CELF5: variants seen among roughly 807,000 people sequenced by gnomAD.
The protein encoded by CELF5 is CUG-BP and ETR-3 like factor 5.
A neutral mutation model predicts 54.9 loss-of-function variants in CELF5; 6 were observed. That is an observed-to-expected ratio of 0.11 (90% confidence interval 0.06 to 0.22). The LOEUF (loss-of-function observed/expected upper bound fraction) is 0.22. Among genes scored for constraint, CELF5 ranks in the 10% least tolerant of loss-of-function variants. CELF5 has a pLI of 1.00. For missense variants in CELF5, 401 were observed against 678.6 expected, an observed-to-expected ratio of 0.59 and a Z score of 4.54; for synonymous variants, 271 against 290.9, an observed-to-expected ratio of 0.93 and a Z score of 0.70.
intron 2 of CELF5, among the ~76,000 whole-genome samples, chr19:3,253,019 C>T (rs554559648): frequency 1.2e-4 from 18 of 151,884 alleles, no homozygotes; most frequent in Non-Finnish European, 2.4e-4. Context: ...CTAGAGTCTG[C>T]GGTAAATTCC....
chr19:3,265,963 C>T (rs375686261), intron 2 of CELF5, among the ~76,000 whole-genome samples: 3 of 152,032 alleles, frequency 2.0e-5, no homozygotes, highest in African/African-American at 4.8e-5. Context: ...CCCACCACCA[C>T]GCCCAGCCAA....
chr19:3,233,098 A>AAAATAAATAAATAAATAAATAAAT (rs149983440), intron 1 of CELF5, among the ~76,000 whole-genome samples: 1 of 149,684 alleles, frequency 6.7e-6, no homozygotes, highest in Admixed American at 6.7e-5. Flanking sequence ...ATTAAAATTA[A>AAAATAAATAAATAAATAAATAAAT]AAATAAATAA....
At chr19:3,253,200 G>A (rs544529573) in intron 2 of CELF5, among the ~76,000 whole-genome samples, 2 of 152,152 alleles carry the variant, frequency 1.3e-5, no homozygotes, top group African/African-American at 4.8e-5. Context: ...GTGCCCAGGG[G>A]CACAGCAGAG....
chr19:3,233,040 C>T (rs1917342356), intron 1 of CELF5, among the ~76,000 whole-genome samples: 1 of 151,282 alleles, frequency 6.6e-6, no homozygotes, highest in Non-Finnish European at 1.5e-5. Context: ...TGCCATTGCA[C>T]TCCAGCCTGG....
At chr19:3,241,261 TTACTA>T (rs1317039725) in intron 1 of CELF5, among the ~76,000 whole-genome samples, 1 of 150,798 alleles carries the variant, frequency 6.6e-6, no homozygotes, top group Non-Finnish European at 1.5e-5. Flanking sequence ...TTTTGTATTT[TTACTA>T]GAGATGGGGT....
At chr19:3,244,335 CATT>C (rs1207364635) in intron 1 of CELF5, among the ~76,000 whole-genome samples, 1 of 151,354 alleles carries the variant, frequency 6.6e-6, no homozygotes, top group Non-Finnish European at 1.5e-5. Flanking sequence ...GGTGTGCATG[CATT>C]ATTGCATTGT....
rs897821208 is a variant in CELF5 at position 3,281,533 on chromosome 19, A to C, written c.750+188A>C. 1.3e-5 allele frequency among the ~76,000 whole-genome samples: 2 copies of C among 152,030 alleles called. No individual in the cohort carries two copies. The highest frequency in any genetic ancestry group is 2.4e-5 in the African/African-American group (1 of 41,408). On this transcript the variant is annotated intron_variant, in intron 6 of 12. Coordinates refer to ENST00000292672, the MANE Select transcript of CELF5 (RefSeq NM_021938.4). The surrounding 1 kb of genome is among the most constrained non-coding windows in gnomAD (Gnocchi z 6.5). Reference sequence around the variant, plus strand: ...CCTAAATCCAGAAGACTGAGCCCTAATCTCACAGTAACACCCAATCTTGGA... The same window carrying C: ...CCTAAATCCAGAAGACTGAGCCCTACTCTCACAGTAACACCCAATCTTGGA...
intron 2 of CELF5, among the ~76,000 whole-genome samples, chr19:3,259,672 G>A (rs780773792): frequency 6.6e-6 from 1 of 152,074 alleles, no homozygotes; most frequent in Non-Finnish European, 1.5e-5. Flanking sequence ...AGTCTCTTGG[G>A]GGTCTGTGGA....
intron 10 of CELF5, among the ~76,000 whole-genome samples, chr19:3,289,633 G>A (rs2080309006): frequency 8.4e-6 from 1 of 119,736 alleles, no homozygotes; most frequent in African/African-American, 3.2e-5. Flanking sequence ...AGTGAGCCGA[G>A]ATCGCACCAC....
intron 4 of CELF5, among the ~76,000 whole-genome samples, chr19:3,276,958 A>T (rs906991583): frequency 4.6e-5 from 7 of 152,018 alleles, no homozygotes; most frequent in African/African-American, 1.7e-4. Context: ...CTATTCGTAA[A>T]ACTGTTTCCT....
chr19:3,278,718 TGTGA>T lies in CELF5; in HGVS notation c.603+612_603+615del, dbSNP rs1185725660. Among the ~76,000 whole-genome samples the T allele has an allele frequency of 2.0e-5, 3 of 152,052 alleles. No homozygotes were observed. Among genetic ancestry groups the T allele is most frequent in the East Asian group, 3.9e-4 (2 of 5,176 alleles). On this transcript the variant is annotated intron_variant, in intron 5 of 12. Transcript: ENST00000292672. The surrounding 1 kb of genome is among the most constrained non-coding windows in gnomAD (Gnocchi z 4.5). Reference sequence around the variant, plus strand: ...GTGTGTGTTTGTGTGTGTGCATGACTGTGAGTGTGTCAGTATTGTGGGTGATTGT... The same window carrying T: ...GTGTGTGTTTGTGTGTGTGCATGACTGTGTGTCAGTATTGTGGGTGATTGT...
intron 10 of CELF5, among the ~76,000 whole-genome samples, chr19:3,287,566 A>G (rs988012259): frequency 1.2e-4 from 17 of 145,444 alleles, no homozygotes; most frequent in African/African-American, 3.8e-4. Flanking sequence ...CTCAAAAATA[A>G]ATAAGTAAAT....
intron 12 of CELF5, 95 bp downstream of exon 12, chr19:3,293,581 T>C (rs2080387558): frequency 1.8e-6 from 2 of 1,091,772 alleles, no homozygotes; most frequent in East Asian, 2.7e-5. Flanking sequence ...CCTCCCCAGG[T>C]GGGGTGATGC....
In CELF5 at chr19:3,293,418, G is replaced by A. The variant is rs774968304; in HGVS notation, c.1430G>A (p.Arg477Gln). 3 of 1,614,088 alleles carry A rather than the reference G, an allele frequency of 1.9e-6. No homozygotes were observed. Among genetic ancestry groups the A allele is most frequent in the East Asian group, 2.2e-5 (1 of 44,870 alleles). The stretch of plus-strand genomic sequence containing the variant: ...AAGAGGCTCAAAGTCCAGCTGAAGC[G>A]GCCCAAAGACCCGGGACACCCCTAC... ...GMKRLKVQLK[R>Q]PKDPGHPY is the part of the protein sequence containing the mutation. The change falls in exon 12 of 13, where the codon CGG becomes CAG. Residue 477 changes from arginine (R) to glutamine (Q), a missense_variant. By Grantham distance (43) the Arg-to-Gln change is conservative. Around this residue, in one of 6 missense-constraint regions of CELF5, gnomAD observed 59 missense variants for 128.8 expected, o/e 0.46. Coordinates refer to ENST00000292672, the MANE Select transcript of CELF5 (RefSeq NM_021938.4).
At chr19:3,292,971 A>T (rs937368655) in intron 11 of CELF5, among the ~76,000 whole-genome samples, 5 of 152,160 alleles carry the variant, frequency 3.3e-5, no homozygotes, top group African/African-American at 1.2e-4. Context: ...TCCTGGCTGG[A>T]CAGAGGGCTT....
intron 10 of CELF5, 112 bp downstream of exon 10, chr19:3,286,137 G>A: frequency 1.1e-6 from 1 of 935,216 alleles, no homozygotes; most frequent in South Asian, 1.9e-5. Context: ...CTGAGAGTGC[G>A]GCCTGGGGGC....
intron 2 of CELF5, among the ~76,000 whole-genome samples, chr19:3,266,152 A>G (rs1426498310): frequency 1.3e-5 from 2 of 152,164 alleles, no homozygotes; most frequent in African/African-American, 4.8e-5. Context: ...TTATGCAGAA[A>G]TTTCTAAGAA....
chr19:3,238,044 G>T (rs66474880), intron 1 of CELF5, among the ~76,000 whole-genome samples: 22,553 of 149,066 alleles, frequency 0.15, 1,877 homozygotes, highest in East Asian at 0.25. Flanking sequence ...GAGAGGCTCT[G>T]TCTCAAAAAA....
chr19:3,259,432 TG>T (rs2079777172), intron 2 of CELF5, among the ~76,000 whole-genome samples: 1 of 150,070 alleles, frequency 6.7e-6, no homozygotes, highest in South Asian at 2.1e-4. Flanking sequence ...TCAACCCCAA[TG>T]TCCACAGTGC....
Sources: gnomAD v4.1 joint callset for allele counts (sites outside exome capture counted in the v4.1 genomes callset) on GRCh38, gnomAD v4.1.1 for gene constraint, gnomAD v4.1.1 regional missense constraint, Gnocchi (gnomAD v3.1) non-coding constraint, MANE v1.5 for transcripts, NCBI Gene and HGNC (gene_info 2026-07-23, HGNC 2026-07-21) for gene names.